The following SPRY4 variants were observed in gnomAD, a reference collection of about 807,000 sequenced individuals.
The protein encoded by SPRY4 is protein sprouty homolog 4.
In SPRY4, 7 loss-of-function variants were observed where a neutral mutation model predicts 17.0. The ratio of observed to expected loss-of-function variants is 0.41; its 90% CI spans 0.23 to 0.77. The LOEUF (loss-of-function observed/expected upper bound fraction) is 0.77. Ranked by LOEUF, SPRY4 falls within the 30% of genes least tolerant of loss-of-function variation. SPRY4 has a pLI of 0.32. For missense variants in SPRY4, 435 were observed against 419.9 expected, an observed-to-expected ratio of 1.04 and a Z score of -0.31; for synonymous variants, 183 against 174.1, an observed-to-expected ratio of 1.05 and a Z score of -0.40.
Position 142,314,729 on chromosome 5 carries a change from C to G in SPRY4, c.380G>C (p.Arg127Thr), listed in dbSNP as rs1275542480. 1.2e-6 allele frequency: 2 copies of G among 1,610,688 alleles called. No individual in the cohort carries two copies. Among genetic ancestry groups the G allele is most frequent in the Non-Finnish European group, 1.7e-6 (2 of 1,177,360 alleles). Reference protein sequence around the residue: ...PPPVADQASPRAVRIQPKVVH... With the variant: ...PPPVADQASPTAVRIQPKVVH... ...CACCTTGGGCTGGATGCGCACAGCC[C>G]TTGGTGAGGCCTGGTCAGCCACGGG... is the stretch of plus-strand genomic sequence containing the variant. The change falls in exon 2 of 2, where the codon AGG (arginine) becomes ACG (threonine). Residue 127 changes from arginine (R) to threonine (T), a missense_variant. Physicochemically the swap from Arg to Thr is moderately conservative, Grantham distance 71. Transcript: ENST00000434127. This position sits in a 1 kb window ranked among gnomAD's most constrained non-coding sequence, Gnocchi z 4.8.
At position 142,314,705 on chromosome 5, in the gene SPRY4, A is replaced by G. The variant is rs1561648966; in HGVS notation, c.404T>C (p.Val135Ala). 1 of 1,613,832 alleles carries G rather than the reference A, an allele frequency of 6.2e-7. No individual in the cohort carries two copies. Among genetic ancestry groups the G allele is most frequent in the Non-Finnish European group, 8.5e-7 (1 of 1,179,788 alleles). ...SPRAVRIQPK[V>A]VHCQPLDLKG... ...GAGGTCCAGCGGCTGGCAGTGGACC[A>G]CCTTGGGCTGGATGCGCACAGCCCT... The change falls in exon 2 of 2, where the codon GTG becomes GCG. Residue 135 changes from valine to alanine, a missense_variant. By Grantham distance (64) the Val-to-Ala change is moderately conservative. Transcript: ENST00000434127. This position sits in a 1 kb window ranked among gnomAD's most constrained non-coding sequence, Gnocchi z 4.8.
rs1758974827 is a variant in SPRY4, at chr5:142,312,906, C to T, written c.*1303G>A. The T allele has an allele frequency of 6.6e-6, 1 of 152,636 alleles. No individual in the cohort carries two copies. The highest frequency in any genetic ancestry group is 1.5e-5 in the Non-Finnish European group (1 of 68,048). 9.5% of individuals were successfully genotyped at this position (152,636 alleles called of 1,614,324 possible). A position where few individuals can be genotyped will look rare whatever the true frequency, so the allele number is the denominator to read the frequency against. On this transcript the variant is annotated 3_prime_UTR_variant, in exon 2 of 2. Transcript: ENST00000434127. The stretch of plus-strand genomic sequence containing the variant: ...TGGAAAAACCTTTCCCCTACCCTCT[C>T]CCCAGCTCTTCCAAGCTCTTCCGAC...
Position 142,319,827 on chromosome 5 carries a change from G to A in SPRY4, c.-47-4672C>T, listed in dbSNP as rs73292478. 3.0e-3 allele frequency: 4,790 copies of A among 1,581,078 alleles called. 116 individuals carry two copies. In the African/African-American group the frequency reaches 0.054, roughly 18 times the overall value. ...GAATCAAGAGGCATGTTAAATGTCC[G>A]CACAATTGAGCAGGATGCCTAATCC... On this transcript the variant is annotated intron_variant, in intron 1 of 1. Coordinates refer to ENST00000434127, the MANE Select transcript of SPRY4 (RefSeq NM_001127496.3).
rs556480454 is a variant in SPRY4, at chr5:142,312,363, C to T, written c.*1846G>A. The T allele has an allele frequency of 6.5e-6, 1 of 152,726 alleles. No individual in the cohort carries two copies. The highest frequency in any genetic ancestry group is 2.4e-5 in the African/African-American group (1 of 41,560). 9.5% of individuals were successfully genotyped at this position (152,726 alleles called of 1,614,324 possible). ...GCCTTTTACAAGCTAGCAAATGTTA[C>T]ATAAATAAAGCCGAAAATAATATGA... On this transcript the variant is annotated 3_prime_UTR_variant, in exon 2 of 2. Coordinates refer to ENST00000434127, the MANE Select transcript of SPRY4 (RefSeq NM_001127496.3).
At chr5:142,320,158 G>A (rs1284242129) in intron 1 of SPRY4, among the ~76,000 whole-genome samples, 1 of 152,144 alleles carries the variant, frequency 6.6e-6, no homozygotes, top group African/African-American at 2.4e-5. Context: ...ACCAAATAAT[G>A]ACTTATTGCT....
chr5:142,315,199 C>A lies in SPRY4; in HGVS notation c.-47-44G>T, dbSNP rs1368933807. On this transcript the variant is annotated intron_variant, in intron 1 of 1. Transcript: ENST00000434127. ...AAAGGAAGAGAGAATGGATTCCAGG[C>A]ATCAGTATGTGGCCTGCCAATACCT... is the stretch of plus-strand genomic sequence containing the variant. 4.5e-6 allele frequency: 6 copies of A among 1,322,716 alleles called. No individual in the cohort carries two copies. In the Admixed American group the frequency reaches 8.3e-5, roughly 18 times the overall value. The allele number at this position is 1,322,716 out of a possible 1,614,324, so 81.9% of individuals were successfully genotyped here.
At position 142,313,953 on chromosome 5, in the gene SPRY4, A is replaced by T; in HGVS notation, c.*256T>A. The T allele has an allele frequency of 2.0e-6, 1 of 502,238 alleles. No individual in the cohort carries two copies. Among genetic ancestry groups the T allele is most frequent in the Non-Finnish European group, 3.5e-6 (1 of 282,794 alleles). The allele number at this position is 502,238 out of a possible 1,614,324, so 31.1% of individuals were successfully genotyped here. A position where few individuals can be genotyped will look rare whatever the true frequency, so the allele number is the denominator to read the frequency against. On this transcript the variant is annotated 3_prime_UTR_variant, in exon 2 of 2. Transcript: ENST00000434127. Reference sequence around the variant, plus strand: ...AAAGAAAAATTTCCCCCCAAACCACACCCTGCCCCTGCATTGTCTGTTTGA... The same window carrying T: ...AAAGAAAAATTTCCCCCCAAACCACTCCCTGCCCCTGCATTGTCTGTTTGA...
At chr5:142,317,612 A>G in intron 1 of SPRY4, 1 of 983,636 alleles carries the variant, frequency 1.0e-6, no homozygotes, top group African/African-American at 1.8e-5. Context: ...TTCCTTAAGC[A>G]GATTCACTTT....
intron 1 of SPRY4, chr5:142,317,678 A>T (rs1759204403): frequency 1.0e-6 from 1 of 985,092 alleles, no homozygotes; most frequent in African/African-American, 1.7e-5. Flanking sequence ...CCTACAGATA[A>T]AGCAAAAGAA....
At chr5:142,323,650 TCCCCTGCCTCTCCTGCCCACAAC>T (rs1334710699) in intron 1 of SPRY4, among the ~76,000 whole-genome samples, 1 of 151,952 alleles carries the variant, frequency 6.6e-6, no homozygotes, top group East Asian at 1.9e-4. Flanking sequence ...ATTTTCTGTC[TCCCCTGCCTCTCCTGCCCACAAC>T]CCCCTGCCCC....
chr5:142,316,941 C>A (rs1209118857), intron 1 of SPRY4: 1 of 960,950 alleles, frequency 1.0e-6, no homozygotes, highest in Non-Finnish European at 1.2e-6. Flanking sequence ...TTTCTTTACA[C>A]GCCTTGTTTT....
At chr5:142,315,311 A>T (rs1289330348) in intron 1 of SPRY4, 156 bp from the exon 2 acceptor site, 21 of 586,482 alleles carry the variant, frequency 3.6e-5, no homozygotes, top group Non-Finnish European at 6.0e-5. Flanking sequence ...CCCAAGCTTA[A>T]GATGATTAAT....
In SPRY4 at chr5:142,318,053, C is replaced by A. The variant is rs181901436; in HGVS notation, c.-47-2898G>T. ...ATCAGAGTTCCACTGCTGGCCTCAC[C>A]CCTCACCAGCAGGGACCCTCCAAGA... On this transcript the variant is annotated intron_variant, in intron 1 of 1. Coordinates refer to ENST00000434127, the MANE Select transcript of SPRY4 (RefSeq NM_001127496.3). 3.0e-5 allele frequency: 30 copies of A among 985,376 alleles called. No individual in the cohort carries two copies. The African/African-American group carries it at 3.1e-4, about 10-fold the overall frequency. 61.0% of individuals were successfully genotyped at this position (985,376 alleles called of 1,614,324 possible).
chr5:142,315,334 T>C, intron 1 of SPRY4, 179 bp from the exon 2 acceptor site: 4 of 571,320 alleles, frequency 7.0e-6, no homozygotes, highest in Non-Finnish European at 9.3e-6. Flanking sequence ...TGACAAGAAG[T>C]CAGTGGTGGA....
chr5:142,318,114 C>T, intron 1 of SPRY4: 3 of 984,410 alleles, frequency 3.0e-6, no homozygotes, highest in Non-Finnish European at 3.6e-6. Context: ...CAAAGGAAAA[C>T]AATTTTCTGA....
At chr5:142,317,853 C>G (rs1759210356) in intron 1 of SPRY4, 1 of 985,286 alleles carries the variant, frequency 1.0e-6, no homozygotes. Context: ...CTGTCAACAT[C>G]TGGGCCTGCA....
rs1327394924 is a variant in SPRY4, at chr5:142,312,193, A to G, written c.*2016T>C. 1.3e-5 allele frequency: 2 copies of G among 152,566 alleles called. No homozygotes were observed. Among genetic ancestry groups the G allele is most frequent in the Non-Finnish European group, 2.9e-5 (2 of 68,022 alleles). 9.5% of individuals were successfully genotyped at this position (152,566 alleles called of 1,614,324 possible). On this transcript the variant is annotated 3_prime_UTR_variant, in exon 2 of 2. Coordinates refer to ENST00000434127, the MANE Select transcript of SPRY4 (RefSeq NM_001127496.3). ...CTTCAGTACACTTCTGATACATTCAATTCATATAAGTGGTTGGCTGAATGT... is the reference window on the plus strand; with the variant it reads ...CTTCAGTACACTTCTGATACATTCAGTTCATATAAGTGGTTGGCTGAATGT...
At position 142,316,167 on chromosome 5, in the gene SPRY4, T is replaced by A. The variant is rs374245000; in HGVS notation, c.-47-1012A>T. Among the ~76,000 whole-genome samples, 12 of 152,290 alleles carry A rather than the reference T, an allele frequency of 7.9e-5. 1 individual carries two copies. In the East Asian group the frequency reaches 1.5e-3, roughly 20 times the overall value. ...AACATTCAGCCTAAATGCTATTTAC[T>A]AGAGTAGCTAAGCCAACCCTGGATC... On this transcript the variant is annotated intron_variant, in intron 1 of 1. Transcript: ENST00000434127.
chr5:142,317,770 C>T (rs1759207719), intron 1 of SPRY4: 2 of 985,174 alleles, frequency 2.0e-6, no homozygotes, highest in Non-Finnish European at 2.4e-6. Context: ...CACCAGGAAG[C>T]CAGGATGGGA....
Sources: gnomAD v4.1 joint callset for allele counts (sites outside exome capture counted in the v4.1 genomes callset) on GRCh38, gnomAD v4.1.1 for gene constraint, Gnocchi (gnomAD v3.1) non-coding constraint, MANE v1.5 for transcripts, NCBI Gene and HGNC (gene_info 2026-07-23, HGNC 2026-07-21) for gene names.